RBPMS: variants seen among roughly 807,000 people sequenced by gnomAD.
RBPMS encodes RNA binding protein, mRNA processing factor.
Under a neutral mutation model 26.8 loss-of-function variants are expected in RBPMS, and 7 were observed. The ratio of observed to expected loss-of-function variants is 0.26; its 90% CI spans 0.15 to 0.49. The LOEUF (loss-of-function observed/expected upper bound fraction) is 0.49. Ranked by LOEUF, RBPMS falls within the 20% of genes least tolerant of loss-of-function variation. RBPMS has a pLI of 0.98. For synonymous variants in RBPMS, 96 were observed against 93.3 expected (o/e 1.03, Z -0.17); for missense variants, 186 against 250.0 (o/e 0.74, Z 1.73).
Position 30,477,789 on chromosome 8 carries a change from T to G in RBPMS, c.145-10T>G. 6.2e-7 allele frequency: 1 copy of G among 1,604,054 alleles called. No individual in the cohort carries two copies. Among genetic ancestry groups the G allele is most frequent in the South Asian group, 1.1e-5 (1 of 90,486 alleles). On this transcript the variant is annotated splice_polypyrimidine_tract_variant and intron_variant, in intron 2 of 8. Transcript: ENST00000397323. The stretch of plus-strand genomic sequence containing the variant: ...ACTTTTGGCTAAACTTGGTTTTTCT[T>G]TATTTTCAGGGCTATGAGGGTTCTC...
chr8:30,549,794 C>CTCTCTCTCTCTCTCTCTCTCTG (rs1246392654), intron 6 of RBPMS, among the ~76,000 whole-genome samples: 16 of 103,892 alleles, frequency 1.5e-4, no homozygotes, highest in African/African-American at 5.9e-4. Context: ...CTCTCTCTCT[C>CTCTCTCTCTCTCTCTCTCTCTG]TCCCCTCTCT....
chr8:30,452,846 C>T (rs1814748939), intron 1 of RBPMS, among the ~76,000 whole-genome samples: 1 of 152,214 alleles, frequency 6.6e-6, no homozygotes, highest in African/African-American at 2.4e-5. Context: ...CTATCCTTTT[C>T]ACATTTAATA....
chr8:30,434,206 A>G (rs1348012684), intron 1 of RBPMS, among the ~76,000 whole-genome samples: 3 of 152,208 alleles, frequency 2.0e-5, no homozygotes, highest in African/African-American at 4.8e-5. Flanking sequence ...TGAAGGAGCT[A>G]CACTAGATAG....
chr8:30,385,649 G>GT (rs1298423724), intron 1 of RBPMS, among the ~76,000 whole-genome samples: 1 of 152,094 alleles, frequency 6.6e-6, no homozygotes. Flanking sequence ...TCTAGCCGAG[G>GT]TTTTTTGGAT....
At chr8:30,433,236 A>G (rs1444327537) in intron 1 of RBPMS, among the ~76,000 whole-genome samples, 1 of 152,256 alleles carries the variant, frequency 6.6e-6, no homozygotes, top group Non-Finnish European at 1.5e-5. Context: ...GCCTAAGTTA[A>G]GATGACTTTC....
chr8:30,437,790 CAAAA>C lies in RBPMS; in HGVS notation c.67-36975_67-36972del, dbSNP rs11290191. 1.1e-4 allele frequency among the ~76,000 whole-genome samples: 12 copies of C among 106,210 alleles called. No homozygotes were observed. The South Asian group carries it at 3.2e-3, about 29-fold the overall frequency. 69.7% of individuals were successfully genotyped at this position (106,210 alleles called of 152,430 possible). A position where few individuals can be genotyped will look rare whatever the true frequency, so the allele number is the denominator to read the frequency against. On this transcript the variant is annotated intron_variant, in intron 1 of 8. Transcript: ENST00000397323. ...TGGGTGACAGAGCGAGACTCCATCT[CAAAA>C]AAAAAAAAAAAAAGGTAGCCGAGCG...
At chr8:30,564,003 TG>T (rs1827707536) in intron 7 of RBPMS, 1 of 152,092 alleles carries the variant, frequency 6.6e-6, no homozygotes, top group Admixed American at 6.6e-5. Context: ...GGGGAGGAGA[TG>T]GGTAATAGGT....
At chr8:30,509,833 A>G (rs1448678156) in intron 5 of RBPMS, among the ~76,000 whole-genome samples, 1 of 152,154 alleles carries the variant, frequency 6.6e-6, no homozygotes. Context: ...TTTTTTTCTC[A>G]TAACCAAAAT....
At chr8:30,549,422 C>A in intron 6 of RBPMS, 1 of 1,279,774 alleles carries the variant, frequency 7.8e-7, no homozygotes, top group Non-Finnish European at 1.1e-6. Flanking sequence ...GGCTGTTCTG[C>A]CCAAGGCCTT....
At chr8:30,493,368 T>A (rs1181917426) in intron 4 of RBPMS, among the ~76,000 whole-genome samples, 8 of 152,214 alleles carry the variant, frequency 5.3e-5, no homozygotes, top group Admixed American at 5.2e-4. Flanking sequence ...ATGGGTTTAT[T>A]CATTATCCTT....
At chr8:30,500,556 T>C (rs1820454893) in intron 4 of RBPMS, among the ~76,000 whole-genome samples, 1 of 152,170 alleles carries the variant, frequency 6.6e-6, no homozygotes, top group African/African-American at 2.4e-5. Context: ...CTGTTTATTG[T>C]ACCACATAAC....
intron 5 of RBPMS, among the ~76,000 whole-genome samples, chr8:30,537,393 G>C (rs905943178): frequency 1.3e-5 from 2 of 152,196 alleles, no homozygotes; most frequent in Admixed American, 1.3e-4. Flanking sequence ...TTTGGGGTCT[G>C]CTTGCTTTTT....
At chr8:30,560,255 C>T (rs991988283) in intron 7 of RBPMS, among the ~76,000 whole-genome samples, 1 of 152,112 alleles carries the variant, frequency 6.6e-6, no homozygotes, top group Admixed American at 6.5e-5. Context: ...GTGTGGACTT[C>T]ATGTTTGAAG....
intron 4 of RBPMS, among the ~76,000 whole-genome samples, chr8:30,496,377 C>T (rs527855312): frequency 2.0e-5 from 3 of 152,160 alleles, no homozygotes; most frequent in Admixed American, 6.5e-5. Flanking sequence ...ACCGTGTTAG[C>T]CAGGGTGGTC....
chr8:30,387,474 A>C (rs1185562118), intron 1 of RBPMS: 1 of 152,206 alleles, frequency 6.6e-6, no homozygotes, highest in East Asian at 1.9e-4. Context: ...CCGGCATTAC[A>C]CAAAACCACT....
intron 1 of RBPMS, among the ~76,000 whole-genome samples, chr8:30,454,551 A>G (rs563829096): frequency 1.3e-5 from 2 of 152,316 alleles, no homozygotes; most frequent in East Asian, 1.9e-4. Flanking sequence ...GAAATGAATT[A>G]TGCATTCTTT....
chr8:30,540,980 T>C (rs1304145044), intron 5 of RBPMS, among the ~76,000 whole-genome samples: 1 of 152,206 alleles, frequency 6.6e-6, no homozygotes, highest in Non-Finnish European at 1.5e-5. Flanking sequence ...TGAGGGAGCA[T>C]GTTTAGTTTT....
At chr8:30,528,675 T>C (rs1354077344) in intron 5 of RBPMS, among the ~76,000 whole-genome samples, 2 of 152,178 alleles carry the variant, frequency 1.3e-5, no homozygotes, top group Non-Finnish European at 2.9e-5. Flanking sequence ...TACATAAATA[T>C]AGTCATTATC....
chr8:30,514,173 A>G (rs1585722320), intron 5 of RBPMS, among the ~76,000 whole-genome samples: 2 of 152,232 alleles, frequency 1.3e-5, no homozygotes, highest in African/African-American at 2.4e-5. Flanking sequence ...AAAAAAGCCA[A>G]TTTTGCCTAA....
Sources: gnomAD v4.1 joint callset for allele counts (sites outside exome capture counted in the v4.1 genomes callset) on GRCh38, gnomAD v4.1.1 for gene constraint, MANE v1.5 for transcripts, NCBI Gene and HGNC (gene_info 2026-07-23, HGNC 2026-07-21) for gene names.